SCN11A: variants seen among roughly 807,000 people sequenced by gnomAD.
The protein encoded by SCN11A is sodium channel protein type 11 subunit alpha.
SCN11A carries 122 observed loss-of-function variants against 162.2 expected under a neutral mutation model. The ratio of observed to expected loss-of-function variants is 0.75; its 90% CI spans 0.65 to 0.87. The LOEUF (loss-of-function observed/expected upper bound fraction) is 0.87, where lower values mean the gene tolerates loss of function less well. Ranked by LOEUF, SCN11A falls within the 40% of genes least tolerant of loss-of-function variation. The probability of loss-of-function intolerance (pLI) is 0.00; values close to 1 mark genes in which losing one functional copy is unlikely to be tolerated. For synonymous variants in SCN11A, 758 were observed against 751.5 expected, an observed-to-expected ratio of 1.01 and a Z score of -0.14; for missense variants, 2,015 against 2,181.6, an observed-to-expected ratio of 0.92 and a Z score of 1.52.
intron 2 of SCN11A, among the ~76,000 whole-genome samples, chr3:38,963,733 G>A (rs754707552): frequency 1.3e-5 from 2 of 151,842 alleles, no homozygotes; most frequent in Non-Finnish European, 2.9e-5. Flanking sequence ...GGAAGAGTGG[G>A]AGAGAGGCAA....
At chr3:38,867,204 T>C (rs2065054223) in intron 27 of SCN11A, 117 bp downstream of exon 27, 4 of 945,760 alleles carry the variant, frequency 4.2e-6, no homozygotes, top group South Asian at 1.6e-5. Context: ...TCCCTCCTTG[T>C]TATTGTGCAG....
intron 26 of SCN11A, among the ~76,000 whole-genome samples, chr3:38,870,023 G>C (rs1321763368): frequency 1.3e-5 from 2 of 152,192 alleles, no homozygotes; most frequent in South Asian, 2.1e-4. Context: ...TGCTATAATA[G>C]GAAACAATAA....
In SCN11A at chr3:38,907,965, T is replaced by C. The variant is rs1417544821; in HGVS notation, c.1457A>G (p.Glu486Gly). The C allele has an allele frequency of 6.2e-7, 1 of 1,601,782 alleles. No individual in the cohort carries two copies. Among genetic ancestry groups the C allele is most frequent in the Non-Finnish European group, 8.5e-7 (1 of 1,177,156 alleles). The change falls in exon 14 of 30, where the codon GAA becomes GGA. Residue 486 changes from glutamate to glycine, a missense_variant. Physicochemically the swap from Glu to Gly is moderately conservative, Grantham distance 98. Transcript: ENST00000302328. ...AAGACTTACCTTTTTTTGGCAATCT[T>C]CATCAGAATCTGACCCAGGAGGCTG... ...KDQPPGSDSDEDCQKKPQLLE... is the reference protein window; with the variant it reads ...KDQPPGSDSDGDCQKKPQLLE...
rs558935234 is a variant in SCN11A at position 39,051,668 on chromosome 3, G to A, written c.-404+193C>T. ...AGGAAAGGTCAGGAGATGGTCCAGC[G>A]CCATGTCTAGCACTGTTAATTCTTT... On this transcript the variant is annotated intron_variant, in intron 1 of 29. Coordinates refer to ENST00000302328, the MANE Select transcript of SCN11A (RefSeq NM_001349253.2). 2.0e-5 allele frequency among the ~76,000 whole-genome samples: 3 copies of A among 152,146 alleles called. No individual in the cohort carries two copies. The East Asian group carries it at 5.8e-4, about 29-fold the overall frequency.
At chr3:38,896,547 A>T (rs947771092) in intron 18 of SCN11A, among the ~76,000 whole-genome samples, 4 of 152,222 alleles carry the variant, frequency 2.6e-5, no homozygotes, top group Non-Finnish European at 5.9e-5. Context: ...TGACCAAATT[A>T]ACTCACTAAC....
chr3:38,989,360 C>T (rs1387315148), intron 2 of SCN11A, among the ~76,000 whole-genome samples: 1 of 152,180 alleles, frequency 6.6e-6, no homozygotes, highest in Non-Finnish European at 1.5e-5. Flanking sequence ...TGACTGAATC[C>T]CTAACCCACA....
At chr3:39,034,564 T>C (rs1465900550) in intron 1 of SCN11A, among the ~76,000 whole-genome samples, 1 of 152,224 alleles carries the variant, frequency 6.6e-6, no homozygotes, top group East Asian at 1.9e-4. Context: ...GATGTCCACT[T>C]TCATCACTGT....
intron 3 of SCN11A, among the ~76,000 whole-genome samples, chr3:38,955,252 A>T (rs1310803654): frequency 2.0e-5 from 3 of 152,236 alleles, no homozygotes; most frequent in Non-Finnish European, 4.4e-5. Context: ...ACTCTACTGC[A>T]CTTGAGCTTG....
At chr3:38,899,870 C>T in intron 17 of SCN11A, 24 bp downstream of exon 17, 15 of 1,597,848 alleles carry the variant, frequency 9.4e-6, no homozygotes, top group Non-Finnish European at 1.3e-5. Flanking sequence ...TACGTTTATG[C>T]AGTAAAATAA....
chr3:38,881,159 T>G (rs2065302922), intron 22 of SCN11A, among the ~76,000 whole-genome samples: 1 of 152,236 alleles, frequency 6.6e-6, no homozygotes, highest in Non-Finnish European at 1.5e-5. Flanking sequence ...GATTTCAGCT[T>G]AGCTGATATT....
chr3:39,040,417 A>C lies in SCN11A; in HGVS notation c.-403-7914T>G, dbSNP rs981960447. 2.6e-5 allele frequency among the ~76,000 whole-genome samples: 4 copies of C among 152,196 alleles called. No individual in the cohort carries two copies. The South Asian group carries it at 8.3e-4, about 32-fold the overall frequency. ...GAAAGCTACTCCATGAAATTGGAAG[A>C]GGTGACTATTTTACCAGATGCACAG... is the stretch of plus-strand genomic sequence containing the variant. On this transcript the variant is annotated intron_variant, in intron 1 of 29. Transcript: ENST00000302328.
chr3:39,022,188 G>A (rs2031467594), intron 2 of SCN11A, among the ~76,000 whole-genome samples: 1 of 152,196 alleles, frequency 6.6e-6, no homozygotes, highest in African/African-American at 2.4e-5. Context: ...CTCAGATCAT[G>A]CTGACATTGC....
intron 28 of SCN11A, among the ~76,000 whole-genome samples, chr3:38,857,539 C>T (rs2064889676): frequency 6.6e-6 from 1 of 151,924 alleles, no homozygotes; most frequent in Admixed American, 6.6e-5. Context: ...AATTGGTCTT[C>T]CTGATGAAGA....
At chr3:38,973,951 G>T (rs758432780) in intron 2 of SCN11A, among the ~76,000 whole-genome samples, 1 of 152,218 alleles carries the variant, frequency 6.6e-6, no homozygotes, top group African/African-American at 2.4e-5. Flanking sequence ...TTCTGAAGGG[G>T]TTGTACTGTG....
chr3:38,857,877 T>C (rs2064895777), intron 28 of SCN11A, among the ~76,000 whole-genome samples: 1 of 152,136 alleles, frequency 6.6e-6, no homozygotes, highest in Non-Finnish European at 1.5e-5. Context: ...CAGCCAAGAA[T>C]TTTGTATCCA....
chr3:39,017,272 T>C (rs556378573), intron 2 of SCN11A, among the ~76,000 whole-genome samples: 15 of 152,316 alleles, frequency 9.8e-5, no homozygotes, highest in Admixed American at 2.6e-4. Context: ...CTCTTGGACT[T>C]TTCAGTCTCC....
chr3:38,864,912 ATT>A, intron 27 of SCN11A, among the ~76,000 whole-genome samples: 1 of 152,126 alleles, frequency 6.6e-6, no homozygotes, highest in African/African-American at 2.4e-5. Context: ...ATAAATAAAC[ATT>A]TTTCTTTTAA....
At chr3:38,925,548 G>C in intron 8 of SCN11A, 39 bp from the exon 9 acceptor site, 1 of 1,404,512 alleles carries the variant, frequency 7.1e-7, no homozygotes, top group Non-Finnish European at 1.0e-6. Context: ...GGCTTGCTCA[G>C]TCCTGCAGCT....
rs188158704 is a variant in SCN11A at position 38,863,622 on chromosome 3, C to T, written c.3952-323G>A. 4.7e-3 allele frequency among the ~76,000 whole-genome samples: 719 copies of T among 151,578 alleles called. 2 individuals carry two copies. The highest frequency in any genetic ancestry group is 6.8e-3 in the Middle Eastern group (2 of 294). ...TTGCATAAATCAAACCATGATGCAA[C>T]AAAAATAGAAATTAGTACAAAAATT... On this transcript the variant is annotated intron_variant, in intron 27 of 29. Transcript: ENST00000302328.
Sources: allele counts gnomAD v4.1 joint callset (sites outside exome capture counted in the v4.1 genomes callset), GRCh38; gene constraint gnomAD v4.1.1; transcripts MANE v1.5; gene names NCBI Gene and HGNC (gene_info 2026-07-23, HGNC 2026-07-21).